Variants in DDX39A observed in about 807,000 individuals in gnomAD.
DDX39A encodes DExD-box helicase 39A, also known as ATP-dependent RNA helicase DDX39A.
Under a neutral mutation model 46.3 loss-of-function variants are expected in DDX39A, and 13 were observed. The observed-to-expected ratio is 0.28, with a 90% CI of 0.18 to 0.45. DDX39A has a LOEUF of 0.45. Ranked by LOEUF, DDX39A falls within the 20% of genes least tolerant of loss-of-function variation. The pLI is 1.00. For missense variants in DDX39A, 352 were observed against 581.8 expected (o/e 0.61, Z 4.06); for synonymous variants, 234 against 224.6 (o/e 1.04, Z -0.38).
Position 14,408,910 on chromosome 19 carries a change from G to C in DDX39A, c.*26C>G. The C allele has an allele frequency of 6.4e-7, 1 of 1,567,182 alleles. No individual in the cohort carries two copies. Among genetic ancestry groups the C allele is most frequent in the Non-Finnish European group, 8.7e-7 (1 of 1,154,306 alleles). ...GGTGAAGCTGCATGCGGGCGGCTCCGGGTGGGCGGCTCTGGCACGTGGTGG... is the reference window on the plus strand; with the variant it reads ...GGTGAAGCTGCATGCGGGCGGCTCCCGGTGGGCGGCTCTGGCACGTGGTGG... On this transcript the variant is annotated 3_prime_UTR_variant, in exon 11 of 11. Transcript: ENST00000242776.
Position 14,412,440 on chromosome 19 carries a change from A to G in DDX39A, c.336+111T>C, listed in dbSNP as rs1157114989. 1 of 1,443,862 alleles carries G rather than the reference A, an allele frequency of 6.9e-7. No homozygotes were observed. Among genetic ancestry groups the G allele is most frequent in the Non-Finnish European group, 9.3e-7 (1 of 1,074,174 alleles). 89.4% of individuals were successfully genotyped at this position (1,443,862 alleles called of 1,614,324 possible). A position where few individuals can be genotyped will look rare whatever the true frequency, so the allele number is the denominator to read the frequency against. ...ACTTCCTGGGCTCAAGCAATCCTCC[A>G]GCCTCAGCTTCCCAAAGCACTGGGC... is the stretch of plus-strand genomic sequence containing the variant. On this transcript the variant is annotated intron_variant, in intron 3 of 10. Transcript: ENST00000242776. This position sits in a 1 kb window ranked among gnomAD's most constrained non-coding sequence, Gnocchi z 4.4.
chr19:14,418,306 C>T (rs1306108711), intron 1 of DDX39A, among the ~76,000 whole-genome samples: 2 of 152,076 alleles, frequency 1.3e-5, no homozygotes, highest in Non-Finnish European at 2.9e-5. Context: ...CGCTAAGGCG[C>T]CAGGAGCGCA....
rs749960835 is a variant in DDX39A, at chr19:14,410,022, A to C, written c.733-149T>G. 1.7e-6 allele frequency: 2 copies of C among 1,164,436 alleles called. No homozygotes were observed. The highest frequency in any genetic ancestry group is 1.9e-4 in the Middle Eastern group (1 of 5,186). The allele number at this position is 1,164,436 out of a possible 1,614,324, so 72.1% of individuals were successfully genotyped here. ...TCAGTAAACATCGCTCAAAAGCTGGATGTAAGCTCTGGCCCGACTCAGGTG... is the reference window on the plus strand; with the variant it reads ...TCAGTAAACATCGCTCAAAAGCTGGCTGTAAGCTCTGGCCCGACTCAGGTG... On this transcript the variant is annotated intron_variant, in intron 6 of 10. Coordinates refer to ENST00000242776, the MANE Select transcript of DDX39A (RefSeq NM_005804.4). The surrounding 1 kb of genome is among the most constrained non-coding windows in gnomAD (Gnocchi z 4.3).
chr19:14,410,589 G>A lies in DDX39A; in HGVS notation c.614-255C>T, dbSNP rs1238746111. On this transcript the variant is annotated intron_variant, in intron 5 of 10. Transcript: ENST00000242776. The surrounding 1 kb of genome is among the most constrained non-coding windows in gnomAD (Gnocchi z 4.3). ...GCCGTGCCCGTGCGCCTCGAGCCAC[G>A]CTTCAGGGAGGGGAGCCTGAGGCAG... 1.3e-5 allele frequency: 7 copies of A among 536,988 alleles called. No individual in the cohort carries two copies. The highest frequency in any genetic ancestry group is 9.8e-5 in the East Asian group (3 of 30,758). 33.3% of individuals were successfully genotyped at this position (536,988 alleles called of 1,614,324 possible).
Position 14,411,113 on chromosome 19 carries a change from G to C in DDX39A, c.489C>G (p.Asn163Lys). ...GGGTCCCCACCACGACATGGGGACAGTTCTTCTTCAACACTTCTTCATCCT... is the reference window on the plus strand; with the variant it reads ...GGGTCCCCACCACGACATGGGGACACTTCTTCTTCAACACTTCTTCATCCT... Reference protein sequence around the residue: ...IKKDEEVLKKNCPHVVVGTPG... With the variant: ...IKKDEEVLKKKCPHVVVGTPG... Residue 163 changes from asparagine (N) to lysine (K), a missense_variant, in exon 5 of 11, where the codon AAC becomes AAG. This residue lies in a region of DDX39A where 301 missense variants were observed against 469.9 expected (regional missense o/e 0.64). Transcript: ENST00000242776. The surrounding 1 kb of genome is among the most constrained non-coding windows in gnomAD (Gnocchi z 4.1). The C allele has an allele frequency of 6.2e-7, 1 of 1,610,610 alleles. No individual in the cohort carries two copies. The highest frequency in any genetic ancestry group is 8.5e-7 in the Non-Finnish European group (1 of 1,178,742).
intron 1 of DDX39A, among the ~76,000 whole-genome samples, chr19:14,413,664 C>A (rs1048043634): frequency 6.6e-6 from 1 of 152,250 alleles, no homozygotes; most frequent in African/African-American, 2.4e-5. Flanking sequence ...CTTCTCCACA[C>A]GCAAGCCTCA....
Position 14,409,094 on chromosome 19 carries a change from C to G in DDX39A, c.1210G>C (p.Asp404His), listed in dbSNP as rs757794163. The G allele has an allele frequency of 6.2e-7, 1 of 1,614,220 alleles. No individual in the cohort carries two copies. The highest frequency in any genetic ancestry group is 8.5e-7 in the Non-Finnish European group (1 of 1,180,048). ...TCTGCCACATTAACTTCAAACCGGT[C>G]CTGGACGTCATTGAGGATTTTGGCA... ...NDAKILNDVQ[D>H]RFEVNVAELP... Residue 404 changes from aspartate to histidine, a missense_variant, in exon 10 of 11, where the codon GAC (aspartate) becomes CAC (histidine). Around this residue, in one of 3 missense-constraint regions of DDX39A, gnomAD observed 301 missense variants for 469.9 expected, o/e 0.64. Transcript: ENST00000242776. The surrounding 1 kb of genome is among the most constrained non-coding windows in gnomAD (Gnocchi z 8.3).
intron 1 of DDX39A, chr19:14,418,805 C>G (rs952394653): frequency 2.2e-5 from 9 of 409,608 alleles, no homozygotes; most frequent in Middle Eastern, 3.5e-4. Flanking sequence ...AATCCCGAAT[C>G]CCGTAAAAAG....
chr19:14,410,942 G>A lies in DDX39A; in HGVS notation c.613+47C>T, dbSNP rs764779089. On this transcript the variant is annotated intron_variant, in intron 5 of 10. Coordinates refer to ENST00000242776, the MANE Select transcript of DDX39A (RefSeq NM_005804.4). This position sits in a 1 kb window ranked among gnomAD's most constrained non-coding sequence, Gnocchi z 4.3. ...GAGCCTTCCGCCTGCTATGGGGCCC[G>A]CCTAGTCACTGACTCTCAGCTGGGG... 1.4e-5 allele frequency: 21 copies of A among 1,488,260 alleles called. No homozygotes were observed. Among genetic ancestry groups the A allele is most frequent in the Non-Finnish European group, 1.8e-5 (20 of 1,114,678 alleles). 92.2% of individuals were successfully genotyped at this position (1,488,260 alleles called of 1,614,324 possible). A position where few individuals can be genotyped will look rare whatever the true frequency, so the allele number is the denominator to read the frequency against.
chr19:14,418,909 G>A (rs1426482863), intron 1 of DDX39A: 3 of 455,936 alleles, frequency 6.6e-6, no homozygotes, highest in African/African-American at 2.0e-5. Context: ...TCCCACCCAG[G>A]CCCCAGACCC....
rs1976648663 is a variant in DDX39A at position 14,412,829 on chromosome 19, T to C, written c.209-151A>G. ...CACCTGCAGGGCTGGGGTATCCGCC[T>C]GGTCAAAGCAGAACGCCCCACTGCC... On this transcript the variant is annotated intron_variant, in intron 2 of 10. Transcript: ENST00000242776. This position sits in a 1 kb window ranked among gnomAD's most constrained non-coding sequence, Gnocchi z 4.4. 1.5e-6 allele frequency: 2 copies of C among 1,294,794 alleles called. No homozygotes were observed. The highest frequency in any genetic ancestry group is 3.0e-5 in the African/African-American group (2 of 67,186). 80.2% of individuals were successfully genotyped at this position (1,294,794 alleles called of 1,614,324 possible).
At chr19:14,414,740 G>A (rs1287487568) in intron 1 of DDX39A, among the ~76,000 whole-genome samples, 1 of 150,584 alleles carries the variant, frequency 6.6e-6, no homozygotes, top group South Asian at 2.1e-4. Flanking sequence ...AAGGCGGGTG[G>A]GTCACCTGAA....
chr19:14,414,328 A>T (rs11882206), intron 1 of DDX39A, among the ~76,000 whole-genome samples: 1,299 of 24,966 alleles, frequency 0.052, 11 homozygotes, highest in African/African-American at 0.25. Context: ...CACCTGTTTT[A>T]TTATTATTAT....
rs779507018 is a variant in DDX39A at position 14,410,031 on chromosome 19, C to T, written c.733-158G>A. ...ATCGCTCAAAAGCTGGATGTAAGCT[C>T]TGGCCCGACTCAGGTGTGGACCAAG... On this transcript the variant is annotated intron_variant, in intron 6 of 10. Transcript: ENST00000242776. The surrounding 1 kb of genome is among the most constrained non-coding windows in gnomAD (Gnocchi z 4.3). 1.8e-6 allele frequency: 2 copies of T among 1,119,512 alleles called. No homozygotes were observed. The highest frequency in any genetic ancestry group is 1.3e-5 in the South Asian group (1 of 79,054). 69.3% of individuals were successfully genotyped at this position (1,119,512 alleles called of 1,614,324 possible). A position where few individuals can be genotyped will look rare whatever the true frequency, so the allele number is the denominator to read the frequency against.
Position 14,411,622 on chromosome 19 carries a change from GCCTTA to G in DDX39A, c.337-29_337-25del, listed in dbSNP as rs55968966. On this transcript the variant is annotated intron_variant, in intron 3 of 10. Coordinates refer to ENST00000242776, the MANE Select transcript of DDX39A (RefSeq NM_005804.4). The surrounding 1 kb of genome is among the most constrained non-coding windows in gnomAD (Gnocchi z 4.1). ...ACCTGGGAAGTGGCATAAGAAGAGG[GCCTTA>G]CCTTAGGCAGTGTCCTAAACCCCTT... 0.76 allele frequency: 1,213,182 copies of G among 1,604,942 alleles called. 461,097 individuals are homozygous for G. Among genetic ancestry groups the G allele is most frequent in the African/African-American group, 0.92 (68,400 of 74,636 alleles).
chr19:14,417,210 C>T (rs1976843900), intron 1 of DDX39A, among the ~76,000 whole-genome samples: 1 of 152,062 alleles, frequency 6.6e-6, no homozygotes, highest in African/African-American at 2.4e-5. Context: ...AGGAACATCC[C>T]CTGACCAATC....
At position 14,408,902 on chromosome 19, in the gene DDX39A, G is replaced by A. The variant is rs745394150; in HGVS notation, c.*34C>T. 6.4e-7 allele frequency: 1 copy of A among 1,560,168 alleles called. No homozygotes were observed. The highest frequency in any genetic ancestry group is 1.2e-5 in the South Asian group (1 of 82,598). ...AAAGGGGAGGTGAAGCTGCATGCGG[G>A]CGGCTCCGGGTGGGCGGCTCTGGCA... is the stretch of plus-strand genomic sequence containing the variant. On this transcript the variant is annotated 3_prime_UTR_variant, in exon 11 of 11. Transcript: ENST00000242776.
rs999424454 is a variant in DDX39A at position 14,411,176 on chromosome 19, T to C, written c.430-4A>G. On this transcript the variant is annotated splice_polypyrimidine_tract_variant and splice_region_variant and intron_variant, in intron 4 of 10. Coordinates refer to ENST00000242776, the MANE Select transcript of DDX39A (RefSeq NM_005804.4). This position sits in a 1 kb window ranked among gnomAD's most constrained non-coding sequence, Gnocchi z 4.1. ...GACCACCGAAGAACACAGACACCTA[T>C]GGGGATGAGGAGGAAACCGCTCCAT... The C allele has an allele frequency of 1.3e-5, 20 of 1,571,010 alleles. No homozygotes were observed. Among genetic ancestry groups the C allele is most frequent in the Middle Eastern group, 1.7e-4 (1 of 5,780 alleles).
chr19:14,414,984 G>A (rs990368071), intron 1 of DDX39A, among the ~76,000 whole-genome samples: 1 of 149,486 alleles, frequency 6.7e-6, no homozygotes, highest in Non-Finnish European at 1.5e-5. Context: ...ATATTTACAT[G>A]CTATACAACT....
Sources: gnomAD v4.1 joint callset for allele counts (sites outside exome capture counted in the v4.1 genomes callset) on GRCh38, gnomAD v4.1.1 for gene constraint, gnomAD v4.1.1 regional missense constraint, Gnocchi (gnomAD v3.1) non-coding constraint, MANE v1.5 for transcripts, NCBI Gene and HGNC (gene_info 2026-07-23, HGNC 2026-07-21) for gene names.